CPA6: variants seen among roughly 807,000 people sequenced by gnomAD.
The protein encoded by CPA6 is carboxypeptidase B.
CPA6 carries 58 observed loss-of-function variants against 63.3 expected under a neutral mutation model. The ratio of observed to expected loss-of-function variants is 0.92; its 90% CI spans 0.74 to 1.14. CPA6 has a LOEUF of 1.14. CPA6 is among the 50% of genes most tolerant of loss of function. The pLI, the probability that CPA6 is intolerant of heterozygous loss-of-function variation, is 0.00. For missense variants in CPA6, 565 were observed against 526.6 expected, an observed-to-expected ratio of 1.07 and a Z score of -0.71; for synonymous variants, 185 against 179.0, an observed-to-expected ratio of 1.03 and a Z score of -0.27.
chr8:67,480,076 T>C (rs1422543014), intron 8 of CPA6, among the ~76,000 whole-genome samples: 2 of 152,162 alleles, frequency 1.3e-5, no homozygotes, highest in Non-Finnish European at 2.9e-5. Context: ...GTTTTCTCCG[T>C]GTTATATCTA....
intron 1 of CPA6, among the ~76,000 whole-genome samples, chr8:67,625,277 C>A (rs1303553323): frequency 2.6e-5 from 4 of 151,848 alleles, no homozygotes; most frequent in East Asian, 1.9e-4. Flanking sequence ...CTGTGTTTAT[C>A]AAAAAAAATC....
chr8:67,540,361 T>C (rs1259267014), intron 2 of CPA6, among the ~76,000 whole-genome samples: 1 of 152,184 alleles, frequency 6.6e-6, no homozygotes, highest in Non-Finnish European at 1.5e-5. Flanking sequence ...GATTGCTACC[T>C]ACTCCTTCCT....
chr8:67,481,387 G>A (rs1811357152), intron 8 of CPA6, among the ~76,000 whole-genome samples: 1 of 152,150 alleles, frequency 6.6e-6, no homozygotes, highest in Non-Finnish European at 1.5e-5. Context: ...GTCCTTCTGG[G>A]GGACTTTCAG....
chr8:67,475,805 C>CTT (rs1419194580), intron 8 of CPA6, among the ~76,000 whole-genome samples: 3 of 59,132 alleles, frequency 5.1e-5, no homozygotes, highest in Non-Finnish European at 1.0e-4. Context: ...TTCTTTCTTT[C>CTT]TTTCTTTCTT....
intron 1 of CPA6, among the ~76,000 whole-genome samples, chr8:67,642,822 C>CACACACACACAT (rs1554528661): frequency 6.6e-6 from 1 of 151,852 alleles, no homozygotes; most frequent in Non-Finnish European, 1.5e-5. Context: ...CACACACACA[C>CACACACACACAT]ACTCCAAGTC....
At chr8:67,455,864 A>T (rs1482098345) in intron 8 of CPA6, among the ~76,000 whole-genome samples, 2 of 151,892 alleles carry the variant, frequency 1.3e-5, no homozygotes, top group Admixed American at 6.6e-5. Flanking sequence ...ATAGGCATGC[A>T]CTAGAATGCT....
At chr8:67,557,783 G>C (rs931804704) in intron 2 of CPA6, among the ~76,000 whole-genome samples, 4 of 152,136 alleles carry the variant, frequency 2.6e-5, no homozygotes, top group Admixed American at 2.6e-4. Flanking sequence ...GTAAGGAATA[G>C]ACACTAAACA....
intron 8 of CPA6, among the ~76,000 whole-genome samples, chr8:67,445,135 C>T (rs1203398650): frequency 6.6e-6 from 1 of 152,120 alleles, no homozygotes; most frequent in African/African-American, 2.4e-5. Flanking sequence ...TAAGTATAGA[C>T]TATCTGTTTT....
intron 8 of CPA6, among the ~76,000 whole-genome samples, chr8:67,456,416 ATT>A: frequency 6.6e-6 from 1 of 152,326 alleles, no homozygotes; most frequent in South Asian, 2.1e-4. Flanking sequence ...CAGTTGGTAC[ATT>A]GTCTCAATTT....
At chr8:67,645,767 G>T (rs985435355) in intron 1 of CPA6, among the ~76,000 whole-genome samples, 3 of 152,132 alleles carry the variant, frequency 2.0e-5, no homozygotes, top group Non-Finnish European at 4.4e-5. Flanking sequence ...CAGGTCTTCT[G>T]ATCTTATCAA....
intron 1 of CPA6, among the ~76,000 whole-genome samples, chr8:67,719,115 C>A (rs1026116063): frequency 6.6e-6 from 1 of 152,084 alleles, no homozygotes; most frequent in Non-Finnish European, 1.5e-5. Context: ...AGCAATACAT[C>A]TTTTTGGAGC....
At chr8:67,661,466 C>T (rs1436120873) in intron 1 of CPA6, among the ~76,000 whole-genome samples, 1 of 152,182 alleles carries the variant, frequency 6.6e-6, no homozygotes, top group Non-Finnish European at 1.5e-5. Context: ...GAAGGCTAGC[C>T]TTCTCAGGCA....
intron 1 of CPA6, among the ~76,000 whole-genome samples, chr8:67,740,139 A>T (rs563942384): frequency 6.6e-6 from 1 of 152,382 alleles, no homozygotes; most frequent in South Asian, 2.1e-4. Context: ...GACCCTTCTC[A>T]GTTGGGAAGG....
chr8:67,703,952 T>C (rs1186187548), intron 1 of CPA6, among the ~76,000 whole-genome samples: 1 of 152,184 alleles, frequency 6.6e-6, no homozygotes, highest in Non-Finnish European at 1.5e-5. Flanking sequence ...TTGTTGTTTT[T>C]GTTTTGTTTT....
chr8:67,481,565 T>G (rs1420577897), intron 8 of CPA6, among the ~76,000 whole-genome samples: 1 of 152,238 alleles, frequency 6.6e-6, no homozygotes, highest in East Asian at 1.9e-4. Flanking sequence ...AGCAGTTTCA[T>G]GTTCTGCTCT....
At chr8:67,438,467 T>C (rs985619870) in intron 8 of CPA6, among the ~76,000 whole-genome samples, 3 of 152,222 alleles carry the variant, frequency 2.0e-5, no homozygotes, top group Non-Finnish European at 4.4e-5. Context: ...GGCTTCTATA[T>C]CTAGCTGAAT....
At chr8:67,564,955 C>T (rs1410352638) in intron 2 of CPA6, among the ~76,000 whole-genome samples, 1 of 152,124 alleles carries the variant, frequency 6.6e-6, no homozygotes, top group Non-Finnish European at 1.5e-5. Context: ...TCAAAACATG[C>T]TTACTGAAAG....
intron 6 of CPA6, among the ~76,000 whole-genome samples, chr8:67,492,697 C>T (rs1036022207): frequency 2.0e-5 from 3 of 152,134 alleles, no homozygotes; most frequent in Non-Finnish European, 4.4e-5. Flanking sequence ...CAGCTTGCGT[C>T]GCCACTTTTA....
intron 2 of CPA6, among the ~76,000 whole-genome samples, chr8:67,522,236 T>C (rs1158392728): frequency 1.3e-5 from 2 of 152,164 alleles, no homozygotes; most frequent in Admixed American, 1.3e-4. Flanking sequence ...ATAAAAACAC[T>C]GGACTCAGCG....
Sources: gnomAD v4.1 joint callset for allele counts (sites outside exome capture counted in the v4.1 genomes callset) on GRCh38, gnomAD v4.1.1 for gene constraint, MANE v1.5 for transcripts, NCBI Gene and HGNC (gene_info 2026-07-23, HGNC 2026-07-21) for gene names.